Variants in UNC13C observed in about 807,000 individuals in gnomAD.
The protein encoded by UNC13C is protein unc-13 homolog C.
A neutral mutation model predicts 245.4 loss-of-function variants in UNC13C; 174 were observed. That is an observed-to-expected ratio of 0.71 (90% confidence interval 0.63 to 0.80). UNC13C has a LOEUF of 0.80. Among genes scored for constraint, UNC13C ranks in the 30% least tolerant of loss-of-function variants. The probability of loss-of-function intolerance (pLI) is 0.00; values close to 1 mark genes in which losing one functional copy is unlikely to be tolerated. For synonymous variants in UNC13C, 992 were observed against 895.1 expected, an observed-to-expected ratio of 1.11 and a Z score of -1.93; for missense variants, 2,829 against 2,602.9, an observed-to-expected ratio of 1.09 and a Z score of -1.89.
intron 4 of UNC13C, among the ~76,000 whole-genome samples, chr15:54,192,152 T>C (rs1402902363): frequency 4.6e-5 from 7 of 152,316 alleles, no homozygotes; most frequent in African/African-American, 1.7e-4. Flanking sequence ...AGGCAATTTC[T>C]TTATTCCTGA....
chr15:54,265,283 T>A (rs2140891460), intron 9 of UNC13C, 72 bp from the exon 10 acceptor site: 1 of 1,240,974 alleles, frequency 8.1e-7, no homozygotes, highest in East Asian at 2.9e-5. Flanking sequence ...GACAGAAAAA[T>A]TGTCTTTGTT....
At chr15:54,351,144 A>G (rs1174143512) in intron 17 of UNC13C, among the ~76,000 whole-genome samples, 1 of 151,920 alleles carries the variant, frequency 6.6e-6, no homozygotes, top group Non-Finnish European at 1.5e-5. Context: ...AACATAATAA[A>G]TTGGAAACAT....
At chr15:54,042,749 A>T (rs1259173377) in intron 2 of UNC13C, among the ~76,000 whole-genome samples, 1 of 152,130 alleles carries the variant, frequency 6.6e-6, no homozygotes, top group African/African-American at 2.4e-5. Context: ...GCTACTCGGG[A>T]GGCTGAAGTA....
intron 26 of UNC13C, among the ~76,000 whole-genome samples, chr15:54,540,203 ATATT>A (rs1428455634): frequency 6.6e-6 from 1 of 152,090 alleles, no homozygotes; most frequent in Non-Finnish European, 1.5e-5. Flanking sequence ...AATGAGTACA[ATATT>A]TATTTCTACT....
the UNC13C span, among the ~76,000 whole-genome samples, chr15:53,879,953 TTGTGTGTGTG>T: frequency 6.8e-6 from 1 of 147,598 alleles, no homozygotes; most frequent in Non-Finnish European, 1.5e-5. Context: ...GTGTGTGTGT[TTGTGTGTGTG>T]TGTGTGTGTA....
intron 2 of UNC13C, among the ~76,000 whole-genome samples, chr15:54,113,331 G>A (rs1186621365): frequency 1.3e-5 from 2 of 152,146 alleles, no homozygotes; most frequent in East Asian, 3.8e-4. Flanking sequence ...AGAGATAGTA[G>A]GAAGACAAGT....
rs766485967 is a variant in UNC13C, at chr15:54,627,323, A to AAAGTG, written c.*213_*217dup. On this transcript the variant is annotated 3_prime_UTR_variant, in exon 33 of 33. Transcript: ENST00000260323. ...CCATGAAGTGCCAAAATTATGATGT[A>AAAGTG]AAGTGAAATATCAAGAACACCTTTT... 2 of 445,162 alleles carry AAAGTG rather than the reference A, an allele frequency of 4.5e-6. No homozygotes were observed. Among genetic ancestry groups the AAAGTG allele is most frequent in the Middle Eastern group, 1.2e-3 (2 of 1,666 alleles). The allele number at this position is 445,162 out of a possible 1,614,324, so 27.6% of individuals were successfully genotyped here. A position where few individuals can be genotyped will look rare whatever the true frequency, so the allele number is the denominator to read the frequency against.
At chr15:54,179,586 GA>G (rs1242636035) in intron 4 of UNC13C, among the ~76,000 whole-genome samples, 1 of 151,982 alleles carries the variant, frequency 6.6e-6, no homozygotes, top group African/African-American at 2.4e-5. Context: ...AGGAAGCTCT[GA>G]AAGAAAGAAT....
At chr15:54,565,244 C>T (rs1276968082) in intron 29 of UNC13C, among the ~76,000 whole-genome samples, 1 of 151,882 alleles carries the variant, frequency 6.6e-6, no homozygotes, top group Non-Finnish European at 1.5e-5. Context: ...CCTACTAGAT[C>T]ATAATCCCTT....
intron 13 of UNC13C, chr15:54,320,924 G>A (rs716967): frequency 0.56 from 193,897 of 343,616 alleles, 55,586 homozygotes; most frequent in African/African-American, 0.69. Flanking sequence ...CACTACTTCC[G>A]AAACTGCTTC....
chr15:53,868,968 G>A, the UNC13C span, among the ~76,000 whole-genome samples: 1 of 152,068 alleles, frequency 6.6e-6, no homozygotes. Context: ...AATTTAGTCG[G>A]GCGTGGTGGT....
chr15:53,994,247 G>A (rs773088729), intron 1 of UNC13C, among the ~76,000 whole-genome samples: 14 of 151,624 alleles, frequency 9.2e-5, no homozygotes, highest in Non-Finnish European at 1.8e-4. Flanking sequence ...CTGGCAGCAT[G>A]TATTACCTAT....
intron 2 of UNC13C, among the ~76,000 whole-genome samples, chr15:54,039,845 C>T (rs902414226): frequency 6.6e-6 from 1 of 151,274 alleles, no homozygotes; most frequent in Non-Finnish European, 1.5e-5. Flanking sequence ...CCTTTCCAGC[C>T]CCCCATCCTT....
At position 54,297,899 on chromosome 15, in the gene UNC13C, T is replaced by C. The variant is rs1453167198; in HGVS notation, c.4077T>C (p.Tyr1359=). ...AAGGAGAAGAGAAGGTTGCTCCATA[T>C]CATATTCAATATACATGTTTACATG... ...EIKGEEKVAP[Y]HIQYTCLHEN... is the part of the protein sequence containing the mutation. The change falls in exon 12 of 33, where the codon TAT becomes TAC. Residue 1359 remains tyrosine (Y), a synonymous_variant. Transcript: ENST00000260323. 1 of 1,602,840 alleles carries C rather than the reference T, an allele frequency of 6.2e-7. No individual in the cohort carries two copies. The highest frequency in any genetic ancestry group is 8.5e-7 in the Non-Finnish European group (1 of 1,173,228).
At chr15:54,552,816 TATA>T (rs1345596788) in intron 28 of UNC13C, among the ~76,000 whole-genome samples, 5 of 94,412 alleles carry the variant, frequency 5.3e-5, no homozygotes, top group African/African-American at 2.2e-4. Context: ...TACAATATAA[TATA>T]ATATATAATT....
At chr15:54,263,127 A>G (rs2036468177) in intron 8 of UNC13C, among the ~76,000 whole-genome samples, 1 of 152,198 alleles carries the variant, frequency 6.6e-6, no homozygotes, top group South Asian at 2.1e-4. Flanking sequence ...TGAGAATACA[A>G]ATTAGGCAAA....
intron 2 of UNC13C, among the ~76,000 whole-genome samples, chr15:54,071,569 T>C (rs944257614): frequency 6.6e-6 from 1 of 152,156 alleles, no homozygotes; most frequent in Non-Finnish European, 1.5e-5. Flanking sequence ...CAATCCAGTG[T>C]AGGCAAACAA....
intron 23 of UNC13C, among the ~76,000 whole-genome samples, chr15:54,509,316 A>AT (rs1217770403): frequency 6.6e-6 from 1 of 152,236 alleles, no homozygotes; most frequent in Non-Finnish European, 1.5e-5. Flanking sequence ...CTACTGTAAC[A>AT]TTTTAAATTG....
chr15:54,280,648 A>G (rs550450598), intron 10 of UNC13C, among the ~76,000 whole-genome samples: 19 of 148,232 alleles, frequency 1.3e-4, no homozygotes, highest in African/African-American at 4.4e-4. Context: ...ATATATAAAC[A>G]TATATGTATG....
Sources: gnomAD v4.1 joint callset for allele counts (sites outside exome capture counted in the v4.1 genomes callset) on GRCh38, gnomAD v4.1.1 for gene constraint, MANE v1.5 for transcripts, NCBI Gene and HGNC (gene_info 2026-07-23, HGNC 2026-07-21) for gene names.